NAA60: variants seen among roughly 807,000 people sequenced by gnomAD.
The protein encoded by NAA60 is N-alpha-acetyltransferase 60.
NAA60 carries 8 observed loss-of-function variants against 26.1 expected under a neutral mutation model. That is an observed-to-expected ratio of 0.31 (90% confidence interval 0.18 to 0.55). NAA60 has a LOEUF of 0.55. Ranked by LOEUF, NAA60 falls within the 20% of genes least tolerant of loss-of-function variation. NAA60 has a pLI of 0.93. For synonymous variants in NAA60, 131 were observed against 122.5 expected, an observed-to-expected ratio of 1.07 and a Z score of -0.46; for missense variants, 290 against 311.3, an observed-to-expected ratio of 0.93 and a Z score of 0.51.
intron 2 of NAA60, among the ~76,000 whole-genome samples, chr16:3,458,441 G>A (rs1237794871): frequency 2.0e-5 from 3 of 152,122 alleles, no homozygotes; most frequent in African/African-American, 7.2e-5. Flanking sequence ...GGTGGGAGTC[G>A]GGCCTTCTGC....
chr16:3,469,240 G>A (rs1239563776), intron 2 of NAA60, among the ~76,000 whole-genome samples: 1 of 135,828 alleles, frequency 7.4e-6, no homozygotes, highest in Non-Finnish European at 1.6e-5. Context: ...CCCCAGCACT[G>A]CCCTGGTACC....
Position 3,485,521 on chromosome 16 carries a change from G to GC in NAA60, c.*267dup, listed in dbSNP as rs1447496193. The GC allele has an allele frequency of 2.4e-5, 11 of 455,240 alleles. No homozygotes were observed. Among genetic ancestry groups the GC allele is most frequent in the Non-Finnish European group, 4.4e-5 (10 of 226,262 alleles). 28.2% of individuals were successfully genotyped at this position (455,240 alleles called of 1,614,324 possible). A position where few individuals can be genotyped will look rare whatever the true frequency, so the allele number is the denominator to read the frequency against. ...AACCTCTGCCTGCTGCCCTGGCCCT[G>GC]CCCCCCTGCGCATGCACCGTCCCCA... On this transcript the variant is annotated 3_prime_UTR_variant, in exon 8 of 8. Transcript: ENST00000407558.
At chr16:3,451,946 A>G (rs1264244862) in intron 2 of NAA60, among the ~76,000 whole-genome samples, 3 of 150,962 alleles carry the variant, frequency 2.0e-5, no homozygotes, top group Admixed American at 1.3e-4. Flanking sequence ...GGTGGCTCAC[A>G]CCAGTAATCC....
intron 2 of NAA60, among the ~76,000 whole-genome samples, chr16:3,468,467 C>G (rs1303029548): frequency 6.6e-6 from 1 of 152,220 alleles, no homozygotes; most frequent in African/African-American, 2.4e-5. Context: ...CCAGTTCAGA[C>G]ACCAGCCCCT....
chr16:3,485,710 A>G lies in NAA60; in HGVS notation c.*450A>G, dbSNP rs2037116634. ...TGGACACACTTGACCGTAAAGGCAC[A>G]GGAGCCTCGGAACAAGGGGGCGCAA... On this transcript the variant is annotated 3_prime_UTR_variant, in exon 8 of 8. Transcript: ENST00000407558. The G allele has an allele frequency of 2.2e-6, 1 of 456,380 alleles. No homozygotes were observed. Among genetic ancestry groups the G allele is most frequent in the African/African-American group, 2.0e-5 (1 of 50,094 alleles). 28.3% of individuals were successfully genotyped at this position (456,380 alleles called of 1,614,324 possible). A position where few individuals can be genotyped will look rare whatever the true frequency, so the allele number is the denominator to read the frequency against.
At chr16:3,462,488 T>A (rs1441821444) in intron 2 of NAA60, 1 of 152,240 alleles carries the variant, frequency 6.6e-6, no homozygotes, top group Non-Finnish European at 1.5e-5. Context: ...ACATTCAGAA[T>A]GTCTTGCTAG....
Position 3,476,242 on chromosome 16 carries a change from G to A in NAA60, c.15G>A (p.Val5=), listed in dbSNP as rs2151004085. ...CACAGGTGTGAATGACAGAGGTGGT[G>A]CCATCCAGCGCGCTCAGCGAGGTCA... MTEV[V]PSSALSEVSL... The change falls in exon 3 of 8, where the codon GTG becomes GTA. Residue 5 remains valine, a synonymous_variant. Transcript: ENST00000407558. 2 of 1,611,562 alleles carry A rather than the reference G, an allele frequency of 1.2e-6. No homozygotes were observed. Among genetic ancestry groups the A allele is most frequent in the East Asian group, 4.5e-5 (2 of 44,792 alleles).
intron 2 of NAA60, among the ~76,000 whole-genome samples, chr16:3,475,542 G>T (rs938935219): frequency 1.3e-5 from 2 of 152,080 alleles, no homozygotes; most frequent in Non-Finnish European, 2.9e-5. Flanking sequence ...AAACAGGGGG[G>T]CTGCTCCTCC....
At chr16:3,482,350 G>A (rs913308769) in intron 4 of NAA60, among the ~76,000 whole-genome samples, 152 bp from the exon 5 acceptor site, 5 of 152,146 alleles carry the variant, frequency 3.3e-5, no homozygotes, top group African/African-American at 7.2e-5. Flanking sequence ...GGGAGTGGGG[G>A]CCCCTCTCCA....
chr16:3,458,279 G>A (rs1222380881), intron 2 of NAA60: 1 of 789,764 alleles, frequency 1.3e-6, no homozygotes, highest in Non-Finnish European at 1.5e-6. Context: ...AGGGGGGCCA[G>A]CGCCCACCGG....
At chr16:3,447,361 T>C (rs977987666) in intron 1 of NAA60, 3 of 524,118 alleles carry the variant, frequency 5.7e-6, no homozygotes, top group Non-Finnish European at 7.3e-6. Context: ...ACATGAAATA[T>C]TTTGATGCAG....
intron 2 of NAA60, among the ~76,000 whole-genome samples, chr16:3,454,485 G>A (rs1306321583): frequency 1.3e-5 from 2 of 152,160 alleles, no homozygotes; most frequent in Non-Finnish European, 2.9e-5. Context: ...GAATTTCTGC[G>A]AGAGATTCAA....
At chr16:3,476,164 C>A (rs2151003827) in intron 2 of NAA60, 58 bp from the exon 3 acceptor site, 1 of 1,360,704 alleles carries the variant, frequency 7.3e-7, no homozygotes, top group Non-Finnish European at 1.0e-6. Flanking sequence ...GCCTCACAAG[C>A]TGAGCATGAG....
At chr16:3,479,977 G>A (rs2036725595) in intron 4 of NAA60, among the ~76,000 whole-genome samples, 1 of 152,228 alleles carries the variant, frequency 6.6e-6, no homozygotes, top group African/African-American at 2.4e-5. Flanking sequence ...GGAAATGCTA[G>A]TTACAGTTAG....
At chr16:3,448,348 C>G in intron 1 of NAA60, 123 bp from the exon 2 acceptor site, 2 of 654,652 alleles carry the variant, frequency 3.1e-6, no homozygotes, top group South Asian at 4.4e-5. Context: ...AATTTTTCCC[C>G]AAAAGGGCCC....
intron 2 of NAA60, among the ~76,000 whole-genome samples, chr16:3,459,882 T>C (rs1016463536): frequency 5.9e-5 from 9 of 152,210 alleles, no homozygotes; most frequent in Admixed American, 5.9e-4. Context: ...GTGACTTATC[T>C]GGGTTGCTTA....
chr16:3,476,419 G>A, intron 3 of NAA60, 82 bp downstream of exon 3: 3 of 1,159,768 alleles, frequency 2.6e-6, no homozygotes, highest in Non-Finnish European at 3.8e-6. Context: ...GGGGCCTCTT[G>A]GGCCCTTAGG....
chr16:3,470,648 G>A (rs768132443), intron 2 of NAA60, among the ~76,000 whole-genome samples: 110 of 149,884 alleles, frequency 7.3e-4, no homozygotes, highest in Non-Finnish European at 1.4e-3. Context: ...AGGGAGCAAC[G>A]GCAGGGCAGG....
intron 2 of NAA60, chr16:3,458,027 G>C: frequency 2.0e-6 from 2 of 985,346 alleles, no homozygotes; most frequent in Non-Finnish European, 2.4e-6. Context: ...GCGGGAGGCG[G>C]AAGTGCCGCG....
Sources: gnomAD v4.1 joint callset for allele counts (sites outside exome capture counted in the v4.1 genomes callset) on GRCh38, gnomAD v4.1.1 for gene constraint, MANE v1.5 for transcripts, NCBI Gene and HGNC (gene_info 2026-07-23, HGNC 2026-07-21) for gene names.